Variants in RPS6KC1 observed in about 807,000 individuals in gnomAD.
The protein encoded by RPS6KC1 is ribosomal protein S6 kinase C1.
Under a neutral mutation model 103.8 loss-of-function variants are expected in RPS6KC1, and 54 were observed. That is an observed-to-expected ratio of 0.52 (90% CI 0.42 to 0.65). RPS6KC1 has a LOEUF of 0.65. RPS6KC1 is among the 30% of genes least tolerant of loss of function. The pLI, the probability that RPS6KC1 is intolerant of heterozygous loss-of-function variation, is 0.00. For synonymous variants in RPS6KC1, 439 were observed against 438.7 expected (o/e 1.00, Z -0.01); for missense variants, 1,151 against 1,253.8 (o/e 0.92, Z 1.24).
the RPS6KC1 span, among the ~76,000 whole-genome samples, chr1:213,648,788 C>A: frequency 3.9e-5 from 6 of 152,160 alleles, no homozygotes; most frequent in Admixed American, 6.5e-5. Context: ...TTCTCCTGGG[C>A]ATCCTCAGTG....
chr1:213,745,227 G>T, the RPS6KC1 span, among the ~76,000 whole-genome samples: 4 of 147,724 alleles, frequency 2.7e-5, no homozygotes, highest in Non-Finnish European at 3.0e-5. Flanking sequence ...GGAAGCTAGG[G>T]TTTTTTTTTT....
the RPS6KC1 span, among the ~76,000 whole-genome samples, chr1:213,593,793 G>A: frequency 2.0e-5 from 3 of 152,296 alleles, no homozygotes; most frequent in South Asian, 2.1e-4. Context: ...TGCATGCCCC[G>A]ATACAATGGC....
the RPS6KC1 span, among the ~76,000 whole-genome samples, chr1:213,462,423 T>C: frequency 6.6e-6 from 1 of 152,150 alleles, no homozygotes; most frequent in Non-Finnish European, 1.5e-5. Flanking sequence ...ACCCAAAGGA[T>C]TATAAATCAT....
At chr1:213,770,209 A>G in the RPS6KC1 span, among the ~76,000 whole-genome samples, 2 of 152,202 alleles carry the variant, frequency 1.3e-5, no homozygotes, top group Non-Finnish European at 2.9e-5. Flanking sequence ...TGTCTTGCCC[A>G]AGGTCATGCA....
At chr1:213,386,044 G>A in the RPS6KC1 span, among the ~76,000 whole-genome samples, 1 of 152,188 alleles carries the variant, frequency 6.6e-6, no homozygotes, top group Non-Finnish European at 1.5e-5. Context: ...GGGGCCTGGT[G>A]GGAGGTGTTT....
chr1:213,282,133 C>T, the RPS6KC1 span, among the ~76,000 whole-genome samples: 1 of 152,208 alleles, frequency 6.6e-6, no homozygotes, highest in South Asian at 2.1e-4. Context: ...TGCTCCTCGG[C>T]CTGTCATGTG....
chr1:213,240,670 A>G (rs1362714058), intron 10 of RPS6KC1, 32 bp from the exon 11 acceptor site: 2 of 1,537,434 alleles, frequency 1.3e-6, no homozygotes, highest in Non-Finnish European at 1.8e-6. Context: ...AGATCTTAAT[A>G]CTTTTGTTTG....
chr1:213,606,294 G>A, the RPS6KC1 span, among the ~76,000 whole-genome samples: 1 of 152,172 alleles, frequency 6.6e-6, no homozygotes, highest in Non-Finnish European at 1.5e-5. Context: ...GGCAAACAGG[G>A]TCCAAATGGG....
At chr1:213,655,751 A>G in the RPS6KC1 span, among the ~76,000 whole-genome samples, 2 of 152,188 alleles carry the variant, frequency 1.3e-5, no homozygotes, top group South Asian at 2.1e-4. Flanking sequence ...AAAAATATAT[A>G]TATACTGAAT....
At chr1:213,058,145 TC>T (rs1165838770) in intron 1 of RPS6KC1, among the ~76,000 whole-genome samples, 1 of 148,118 alleles carries the variant, frequency 6.8e-6, no homozygotes, top group Non-Finnish European at 1.5e-5. Flanking sequence ...GCAGGTGTGA[TC>T]ATAGTGTGCT....
chr1:213,737,748 TC>T, the RPS6KC1 span, among the ~76,000 whole-genome samples: 2 of 152,162 alleles, frequency 1.3e-5, no homozygotes, highest in African/African-American at 4.8e-5. Context: ...GCCAGCCCTG[TC>T]CTATAAACCA....
At chr1:213,197,881 T>C (rs1170097030) in intron 8 of RPS6KC1, among the ~76,000 whole-genome samples, 1 of 152,174 alleles carries the variant, frequency 6.6e-6, no homozygotes. Context: ...CAACAGATAC[T>C]TGGTGGATTT....
At chr1:213,243,542 A>G (rs1289487314) in intron 12 of RPS6KC1, among the ~76,000 whole-genome samples, 1 of 152,212 alleles carries the variant, frequency 6.6e-6, no homozygotes, top group East Asian at 1.9e-4. Flanking sequence ...ATTTTTTAAA[A>G]ATTAGAGATT....
the RPS6KC1 span, among the ~76,000 whole-genome samples, chr1:213,471,078 A>G: frequency 9.2e-6 from 1 of 108,268 alleles, no homozygotes; most frequent in Non-Finnish European, 2.0e-5. Context: ...GGAGGTAGCA[A>G]TGGTGATTTT....
At chr1:213,486,564 C>T in the RPS6KC1 span, among the ~76,000 whole-genome samples, 1 of 152,110 alleles carries the variant, frequency 6.6e-6, no homozygotes, top group Admixed American at 6.5e-5. Context: ...TTTGGGTGAA[C>T]CTCTCTGTTC....
intron 1 of RPS6KC1, among the ~76,000 whole-genome samples, chr1:213,060,136 T>A (rs1211397755): frequency 6.6e-6 from 1 of 152,206 alleles, no homozygotes; most frequent in Non-Finnish European, 1.5e-5. Flanking sequence ...TACTTTTTAG[T>A]TTTGTTAGCT....
chr1:213,573,744 A>T, the RPS6KC1 span, among the ~76,000 whole-genome samples: 4 of 152,220 alleles, frequency 2.6e-5, no homozygotes, highest in Non-Finnish European at 4.4e-5. Context: ...CTTTGAAGGG[A>T]CAGAGAGGTG....
the RPS6KC1 span, among the ~76,000 whole-genome samples, chr1:213,732,872 C>T: frequency 4.6e-5 from 7 of 152,194 alleles, no homozygotes; most frequent in Non-Finnish European, 1.0e-4. Context: ...AACATTTTAC[C>T]CCTCACGTAT....
At chr1:213,623,373 A>G in the RPS6KC1 span, among the ~76,000 whole-genome samples, 1 of 152,110 alleles carries the variant, frequency 6.6e-6, no homozygotes, top group African/African-American at 2.4e-5. Context: ...ATTTAACTCA[A>G]TTTAGTGAAT....
Sources: gnomAD v4.1 joint callset for allele counts (sites outside exome capture counted in the v4.1 genomes callset) on GRCh38, gnomAD v4.1.1 for gene constraint, MANE v1.5 for transcripts, NCBI Gene and HGNC (gene_info 2026-07-23, HGNC 2026-07-21) for gene names.